DOK6: variants seen among roughly 807,000 people sequenced by gnomAD.
DOK6 encodes docking protein 6.
DOK6 carries 22 observed loss-of-function variants against 44.0 expected under a neutral mutation model. That is an observed-to-expected ratio of 0.50 (90% CI 0.36 to 0.71). The LOEUF (loss-of-function observed/expected upper bound fraction) is 0.71. DOK6 is among the 30% of genes least tolerant of loss of function. The pLI is 0.00. For missense variants in DOK6, 340 were observed against 416.4 expected, an observed-to-expected ratio of 0.82 and a Z score of 1.60; for synonymous variants, 166 against 145.5, an observed-to-expected ratio of 1.14 and a Z score of -1.01.
Position 69,471,250 on chromosome 18 carries a change from C to CAAAAA in DOK6, c.66+69965_66+69969dup, listed in dbSNP as rs71176969. Among the ~76,000 whole-genome samples, 137 of 27,746 alleles carry CAAAAA rather than the reference C, an allele frequency of 4.9e-3. 3 individuals are homozygous for CAAAAA. Among genetic ancestry groups the CAAAAA allele is most frequent in the Admixed American group, 6.1e-3 (9 of 1,474 alleles). The allele number at this position is 27,746 out of a possible 152,430, so 18.2% of individuals were successfully genotyped here. A position where few individuals can be genotyped will look rare whatever the true frequency, so the allele number is the denominator to read the frequency against. On this transcript the variant is annotated intron_variant, in intron 1 of 7. Transcript: ENST00000382713. ...GGGCAACAAAAGCAAAACTCCATCT[C>CAAAAA]AAAAAAAAAAAAAAAAAAAAAAAAA...
intron 6 of DOK6, among the ~76,000 whole-genome samples, chr18:69,749,140 C>T (rs1979084736): frequency 6.6e-6 from 1 of 151,716 alleles, no homozygotes; most frequent in Non-Finnish European, 1.5e-5. Context: ...GGACAACACA[C>T]ACTGGGGCCT....
intron 7 of DOK6, among the ~76,000 whole-genome samples, chr18:69,779,503 G>A (rs1460648242): frequency 6.6e-6 from 1 of 151,600 alleles, no homozygotes; most frequent in Admixed American, 6.6e-5. Flanking sequence ...GGCAAGAAAT[G>A]TCAGTGTTGT....
intron 2 of DOK6, among the ~76,000 whole-genome samples, chr18:69,573,161 T>C (rs1236844055): frequency 6.6e-6 from 1 of 151,656 alleles, no homozygotes; most frequent in Non-Finnish European, 1.5e-5. Context: ...AATATGAGTA[T>C]TGATATAAGT....
At chr18:69,494,451 G>A (rs1980823973) in intron 1 of DOK6, among the ~76,000 whole-genome samples, 1 of 151,190 alleles carries the variant, frequency 6.6e-6, no homozygotes. Context: ...ACTCCAGCCT[G>A]GGTGATAGAG....
chr18:69,828,035 T>C (rs1981792089), intron 7 of DOK6, among the ~76,000 whole-genome samples: 1 of 151,894 alleles, frequency 6.6e-6, no homozygotes, highest in Admixed American at 6.6e-5. Context: ...ATGGTTCAGA[T>C]CTCTATCTAA....
chr18:69,434,956 GA>G (rs1246133106), intron 1 of DOK6, among the ~76,000 whole-genome samples: 2 of 135,700 alleles, frequency 1.5e-5, no homozygotes, highest in Non-Finnish European at 3.2e-5. Context: ...GGGAGGGAGG[GA>G]AGGAAGGAAG....
At chr18:69,729,962 TAAG>T (rs200831027) in intron 5 of DOK6, among the ~76,000 whole-genome samples, 1,654 of 152,144 alleles carry the variant, frequency 0.011, 15 homozygotes, top group Admixed American at 0.017. Flanking sequence ...AAACATATGT[TAAG>T]ATGATGGGAA....
intron 1 of DOK6, among the ~76,000 whole-genome samples, chr18:69,552,379 A>C (rs1982586917): frequency 6.6e-6 from 1 of 152,010 alleles, no homozygotes; most frequent in African/African-American, 2.4e-5. Context: ...TAAATATTCT[A>C]TATTAAATTT....
At chr18:69,446,455 A>G (rs1599134939) in intron 1 of DOK6, among the ~76,000 whole-genome samples, 1 of 151,766 alleles carries the variant, frequency 6.6e-6, no homozygotes, top group Non-Finnish European at 1.5e-5. Context: ...CCAGTCTATC[A>G]TTTTTGGACA....
chr18:69,503,884 G>T (rs1022712602), intron 1 of DOK6, among the ~76,000 whole-genome samples: 1 of 151,930 alleles, frequency 6.6e-6, no homozygotes, highest in South Asian at 2.1e-4. Context: ...AGAAGAAAAT[G>T]TTATATTCGT....
chr18:69,405,092 T>C (rs552241105), intron 1 of DOK6, among the ~76,000 whole-genome samples: 13 of 152,264 alleles, frequency 8.5e-5, no homozygotes, highest in African/African-American at 2.9e-4. Flanking sequence ...ATTGAGAATT[T>C]TGCTTTTTCA....
chr18:69,759,994 ACCC>A (rs1979490805), intron 7 of DOK6, among the ~76,000 whole-genome samples: 1 of 152,194 alleles, frequency 6.6e-6, no homozygotes, highest in South Asian at 2.1e-4. Flanking sequence ...ACGTTTTACC[ACCC>A]TGTATACCCC....
At chr18:69,751,510 A>G (rs1979177380) in intron 6 of DOK6, among the ~76,000 whole-genome samples, 1 of 152,218 alleles carries the variant, frequency 6.6e-6, no homozygotes, top group South Asian at 2.1e-4. Context: ...ATAGAGCAGG[A>G]AATGCAGAGT....
At chr18:69,456,825 T>A (rs1056958901) in intron 1 of DOK6, among the ~76,000 whole-genome samples, 2 of 152,204 alleles carry the variant, frequency 1.3e-5, no homozygotes, top group Non-Finnish European at 2.9e-5. Context: ...GTTTTTTGAC[T>A]TCTTAATAAT....
chr18:69,448,633 C>T (rs988360264), intron 1 of DOK6, among the ~76,000 whole-genome samples: 1 of 152,192 alleles, frequency 6.6e-6, no homozygotes, highest in Non-Finnish European at 1.5e-5. Flanking sequence ...CTCAGCCTCC[C>T]AAACTGCTGG....
At chr18:69,514,034 TA>T (rs1452079584) in intron 1 of DOK6, among the ~76,000 whole-genome samples, 1 of 152,104 alleles carries the variant, frequency 6.6e-6, no homozygotes, top group African/African-American at 2.4e-5. Flanking sequence ...AAATATTATG[TA>T]ACAATAATTC....
chr18:69,584,068 A>G (rs1426520694), intron 2 of DOK6, among the ~76,000 whole-genome samples: 4 of 146,360 alleles, frequency 2.7e-5, no homozygotes, highest in Non-Finnish European at 4.5e-5. Context: ...AGATCGCGCC[A>G]CTGCACTCCA....
At chr18:69,647,200 T>A (rs1269829765) in intron 3 of DOK6, among the ~76,000 whole-genome samples, 1 of 151,918 alleles carries the variant, frequency 6.6e-6, no homozygotes, top group East Asian at 2.0e-4. Flanking sequence ...TCTACCTATC[T>A]ATCTCCTGTC....
chr18:69,507,023 G>GT (rs927213747), intron 1 of DOK6, among the ~76,000 whole-genome samples: 2 of 151,630 alleles, frequency 1.3e-5, no homozygotes, highest in South Asian at 2.1e-4. Context: ...AGGTTTTTGT[G>GT]TTTTTTTGTT....
Sources: allele counts gnomAD v4.1 joint callset (sites outside exome capture counted in the v4.1 genomes callset), GRCh38; gene constraint gnomAD v4.1.1; transcripts MANE v1.5; gene names NCBI Gene and HGNC (gene_info 2026-07-23, HGNC 2026-07-21).